The following TRAPPC9 variants were observed in gnomAD, a reference collection of about 807,000 sequenced individuals.
TRAPPC9 encodes IKK2 binding protein.
TRAPPC9 carries 83 observed loss-of-function variants against 124.0 expected under a neutral mutation model. The ratio of observed to expected loss-of-function variants is 0.67; its 90% CI spans 0.56 to 0.80. The LOEUF is 0.80. Among genes scored for constraint, TRAPPC9 ranks in the 30% least tolerant of loss-of-function variants. TRAPPC9 has a pLI of 0.00. For synonymous variants in TRAPPC9, 638 were observed against 617.5 expected (o/e 1.03, Z -0.49); for missense variants, 1,302 against 1,508.3 (o/e 0.86, Z 2.27).
intron 17 of TRAPPC9, among the ~76,000 whole-genome samples, chr8:140,219,289 A>C (rs2063276853): frequency 1.3e-5 from 2 of 152,210 alleles, no homozygotes; most frequent in South Asian, 4.1e-4. Flanking sequence ...CCGGAGCCTG[A>C]ATTGCCCCAG....
intron 20 of TRAPPC9, among the ~76,000 whole-genome samples, chr8:139,898,010 T>C (rs1563904390): frequency 6.6e-6 from 1 of 152,240 alleles, no homozygotes; most frequent in African/African-American, 2.4e-5. Flanking sequence ...CGTAAGGCAG[T>C]GGGAACACAG....
intron 18 of TRAPPC9, among the ~76,000 whole-genome samples, chr8:140,015,108 CTTTGACATATA>C (rs1351740251): frequency 6.6e-6 from 1 of 152,186 alleles, no homozygotes; most frequent in Non-Finnish European, 1.5e-5. Context: ...TAAAGTAGTC[CTTTGACATATA>C]TTTGGCTTCT....
chr8:139,787,461 G>A (rs530737760), intron 21 of TRAPPC9, among the ~76,000 whole-genome samples: 7 of 152,140 alleles, frequency 4.6e-5, no homozygotes, highest in Admixed American at 1.3e-4. Flanking sequence ...CTGCCGGGCA[G>A]GGGCAGAGCC....
chr8:139,998,212 A>G (rs1838166469), intron 18 of TRAPPC9, among the ~76,000 whole-genome samples: 1 of 152,260 alleles, frequency 6.6e-6, no homozygotes, highest in Admixed American at 6.5e-5. Context: ...CATATCTATT[A>G]AAGTATCTTT....
At chr8:140,290,499 C>A (rs1244377215) in intron 12 of TRAPPC9, among the ~76,000 whole-genome samples, 2 of 152,176 alleles carry the variant, frequency 1.3e-5, no homozygotes, top group Non-Finnish European at 2.9e-5. Context: ...ATTTTTCACA[C>A]CCTACACAAA....
intron 19 of TRAPPC9, among the ~76,000 whole-genome samples, chr8:139,982,369 T>C (rs992747643): frequency 6.6e-6 from 1 of 152,202 alleles, no homozygotes; most frequent in African/African-American, 2.4e-5. Context: ...TGCATGCCCC[T>C]GGTGGGTCTC....
At chr8:139,923,113 G>A (rs1032343942) in intron 19 of TRAPPC9, among the ~76,000 whole-genome samples, 6 of 106,926 alleles carry the variant, frequency 5.6e-5, no homozygotes, top group East Asian at 6.5e-4. Context: ...GATGCCATCC[G>A]TTCCGGAGGT....
intron 9 of TRAPPC9, among the ~76,000 whole-genome samples, chr8:140,330,860 C>T (rs2066876352): frequency 6.6e-6 from 1 of 151,986 alleles, no homozygotes; most frequent in African/African-American, 2.4e-5. Context: ...TGTCACGCTG[C>T]CCACCCAGAC....
chr8:139,794,509 T>C (rs1219116583), intron 21 of TRAPPC9, among the ~76,000 whole-genome samples: 1 of 152,186 alleles, frequency 6.6e-6, no homozygotes, highest in African/African-American at 2.4e-5. Flanking sequence ...GGAGCCTCAG[T>C]TGAGCTGAGG....
intron 15 of TRAPPC9, among the ~76,000 whole-genome samples, chr8:140,271,460 G>A (rs1315710266): frequency 3.9e-5 from 6 of 152,094 alleles, no homozygotes; most frequent in African/African-American, 9.7e-5. Context: ...GTCACGCCAC[G>A]CGTCCAACAA....
At chr8:140,221,926 G>A (rs1307292532) in intron 16 of TRAPPC9, among the ~76,000 whole-genome samples, 2 of 152,210 alleles carry the variant, frequency 1.3e-5, no homozygotes, top group Middle Eastern at 3.2e-3. Context: ...GCCAGTTTCT[G>A]TCCTGACTAT....
intron 9 of TRAPPC9, among the ~76,000 whole-genome samples, chr8:140,344,362 C>T (rs977071935): frequency 5.4e-4 from 82 of 152,304 alleles, no homozygotes; most frequent in African/African-American, 1.9e-3. Flanking sequence ...CCTTCTTGTG[C>T]CCCTTTTCCA....
At chr8:139,863,195 G>C (rs753585768) in intron 21 of TRAPPC9, among the ~76,000 whole-genome samples, 17 of 152,346 alleles carry the variant, frequency 1.1e-4, no homozygotes, top group Non-Finnish European at 2.2e-4. Flanking sequence ...CTCAGCTCTC[G>C]CTCAGGTGGG....
At chr8:140,340,829 C>T (rs2132056367) in intron 9 of TRAPPC9, among the ~76,000 whole-genome samples, 1 of 152,300 alleles carries the variant, frequency 6.6e-6, no homozygotes, top group East Asian at 1.9e-4. Flanking sequence ...GATATGCATA[C>T]CTCATCAAAA....
chr8:140,245,464 GGTGTGT>G lies in TRAPPC9; in HGVS notation c.2431+7307_2431+7312del, dbSNP rs35366571. 2.6e-3 allele frequency among the ~76,000 whole-genome samples: 397 copies of G among 150,208 alleles called. 1 individual carries two copies. Among genetic ancestry groups the G allele is most frequent in the Non-Finnish European group, 3.9e-3 (266 of 67,356 alleles). On this transcript the variant is annotated intron_variant, in intron 16 of 22. Coordinates refer to ENST00000438773, the MANE Select transcript of TRAPPC9 (RefSeq NM_001160372.4). ...TAGCCTTTTCATCTCTTTGTTTTGT[GGTGTGT>G]GTGTGTGTGTGTGTGTGTGTGTCTG...
intron 20 of TRAPPC9, among the ~76,000 whole-genome samples, chr8:139,892,190 A>G (rs1385834042): frequency 1.3e-5 from 2 of 152,212 alleles, no homozygotes; most frequent in Non-Finnish European, 2.9e-5. Flanking sequence ...TGGCCAGGGA[A>G]ATCTCCTGCA....
chr8:140,353,316 A>C lies in TRAPPC9; in HGVS notation c.1495+6734T>G, dbSNP rs2067642093. ...CACTGGCCCCCTCCCATCTCATGGG[A>C]CCCCCCCCTTTCGTCACTCCTCAGT... is the stretch of plus-strand genomic sequence containing the variant. On this transcript the variant is annotated intron_variant, in intron 9 of 22. Transcript: ENST00000438773. This position sits in a 1 kb window ranked among gnomAD's most constrained non-coding sequence, Gnocchi z 4.2. Among the ~76,000 whole-genome samples, 1 of 144,864 alleles carries C rather than the reference A, an allele frequency of 6.9e-6. No homozygotes were observed.
chr8:140,452,120 CAAA>C (rs534391613), intron 1 of TRAPPC9, among the ~76,000 whole-genome samples: 10 of 83,888 alleles, frequency 1.2e-4, no homozygotes, highest in Admixed American at 1.4e-4. Context: ...GACTCCGTCT[CAAA>C]AAAAAAAAAA....
chr8:139,803,550 T>G (rs557351260), intron 21 of TRAPPC9, among the ~76,000 whole-genome samples: 17 of 152,300 alleles, frequency 1.1e-4, no homozygotes, highest in Non-Finnish European at 2.2e-4. Context: ...AGTTGGAGGG[T>G]GTGCACACAC....
Sources: allele counts gnomAD v4.1 joint callset (sites outside exome capture counted in the v4.1 genomes callset), GRCh38; gene constraint gnomAD v4.1.1; non-coding constraint Gnocchi (gnomAD v3.1); transcripts MANE v1.5; gene names NCBI Gene and HGNC (gene_info 2026-07-23, HGNC 2026-07-21).